Variants in PVT1 observed in about 807,000 individuals in gnomAD.
The protein encoded by PVT1 is Pvt1 oncogene, also known as CXCR4/PVT1 fusion.
At chr8:127,845,353 A>G (rs968807969) in intron 2 of PVT1, among the ~76,000 whole-genome samples, 6 of 152,154 alleles carry the variant, frequency 3.9e-5, no homozygotes, top group African/African-American at 1.4e-4. Flanking sequence ...TCAAGTCCCT[A>G]TAGAAGAGGG....
At chr8:127,962,283 G>A (rs1816653460) in intron 3 of PVT1, among the ~76,000 whole-genome samples, 1 of 152,188 alleles carries the variant, frequency 6.6e-6, no homozygotes, top group African/African-American at 2.4e-5. Context: ...AGAATTCTGA[G>A]CCCAGGGCTG....
intron 4 of PVT1, among the ~76,000 whole-genome samples, chr8:128,060,944 C>G (rs569744607): frequency 7.3e-6 from 1 of 137,166 alleles, no homozygotes; most frequent in South Asian, 2.3e-4. Context: ...GAGTCTCTCT[C>G]TGTCACCCAG....
intron 2 of PVT1, among the ~76,000 whole-genome samples, chr8:127,863,968 C>T (rs940463125): frequency 2.0e-5 from 3 of 152,196 alleles, no homozygotes; most frequent in Admixed American, 6.5e-5. Context: ...TTTGGCTCAG[C>T]GCGGATGGAG....
intron 3 of PVT1, among the ~76,000 whole-genome samples, chr8:127,905,405 C>T (rs75806080): frequency 6.6e-6 from 1 of 152,326 alleles, no homozygotes; most frequent in East Asian, 1.9e-4. Flanking sequence ...CGGGGAGCCT[C>T]ACATGAAGAA....
At chr8:127,970,359 G>A (rs1391276288) in intron 3 of PVT1, among the ~76,000 whole-genome samples, 11 of 135,228 alleles carry the variant, frequency 8.1e-5, no homozygotes, top group Admixed American at 2.5e-4. Context: ...GTGCAGTGGC[G>A]CAATCTCAGC....
At position 128,054,155 on chromosome 8, in the gene PVT1, T is replaced by C. The variant is rs931542087; in HGVS notation, n.913-16005T>C. Among the ~76,000 whole-genome samples the C allele has an allele frequency of 6.6e-5, 10 of 152,222 alleles. No individual in the cohort carries two copies. In the East Asian group the frequency reaches 1.9e-3, roughly 29 times the overall value. On this transcript the variant is annotated intron_variant and non_coding_transcript_variant, in intron 4 of 10. Transcript: ENST00000651587. ...GTGTGACAACAGGGTGAGAATCTCC[T>C]ATTGGTTCTCCCAACAAATAGGAAG...
At chr8:128,093,514 G>A (rs879680274) in intron 5 of PVT1, among the ~76,000 whole-genome samples, 5 of 152,006 alleles carry the variant, frequency 3.3e-5, no homozygotes, top group Non-Finnish European at 5.9e-5. Flanking sequence ...CTGAGATCGC[G>A]CCATTGCCCT....
At chr8:127,883,311 C>G (rs1379617451) in intron 2 of PVT1, among the ~76,000 whole-genome samples, 1 of 152,184 alleles carries the variant, frequency 6.6e-6, no homozygotes, top group East Asian at 1.9e-4. Context: ...ACCAAAGCAT[C>G]CATCTGCCCG....
At chr8:128,035,408 A>G (rs560300070) in intron 4 of PVT1, among the ~76,000 whole-genome samples, 1 of 152,250 alleles carries the variant, frequency 6.6e-6, no homozygotes, top group East Asian at 1.9e-4. Context: ...CTTGGACCTG[A>G]GCCCATCTGT....
At chr8:128,031,872 C>T (rs1269301312) in intron 4 of PVT1, among the ~76,000 whole-genome samples, 2 of 152,142 alleles carry the variant, frequency 1.3e-5, no homozygotes, top group African/African-American at 4.8e-5. Flanking sequence ...GAACCCGGGG[C>T]TCTGGTTGTG....
At chr8:127,997,864 C>T (rs977594963) in intron 4 of PVT1, among the ~76,000 whole-genome samples, 1 of 152,218 alleles carries the variant, frequency 6.6e-6, no homozygotes, top group Non-Finnish European at 1.5e-5. Flanking sequence ...TCTTAGATTG[C>T]CCTGGGCTGT....
At chr8:127,807,697 GA>G (rs1476324036) in intron 2 of PVT1, among the ~76,000 whole-genome samples, 4 of 151,736 alleles carry the variant, frequency 2.6e-5, no homozygotes, top group East Asian at 1.9e-4. Flanking sequence ...ATGTAGAAAA[GA>G]AAAAAAGTTT....
At chr8:127,814,843 C>G (rs1036040417) in intron 2 of PVT1, among the ~76,000 whole-genome samples, 35 of 152,204 alleles carry the variant, frequency 2.3e-4, no homozygotes, top group East Asian at 7.7e-4. Context: ...CTCCTCTCCC[C>G]CTCCCCTCAT....
chr8:128,067,598 T>G (rs897530843), intron 4 of PVT1, among the ~76,000 whole-genome samples: 88 of 152,318 alleles, frequency 5.8e-4, no homozygotes, highest in African/African-American at 2.0e-3. Context: ...GGAGGCTTCC[T>G]GGGGGAAAGG....
intron 2 of PVT1, chr8:127,854,776 C>T (rs1815144258): frequency 6.1e-6 from 1 of 163,366 alleles, no homozygotes; most frequent in Admixed American, 6.4e-5. Context: ...GCATACACAT[C>T]TCCTGCGTCT....
chr8:128,060,970 C>T (rs1280279927), intron 4 of PVT1, among the ~76,000 whole-genome samples: 2 of 139,866 alleles, frequency 1.4e-5, no homozygotes, highest in Admixed American at 7.9e-5. Flanking sequence ...AGTGCAGTGG[C>T]GTGATCTCGG....
intron 4 of PVT1, among the ~76,000 whole-genome samples, chr8:128,044,439 A>G (rs192107634): frequency 3.3e-5 from 5 of 152,272 alleles, no homozygotes; most frequent in Admixed American, 3.3e-4. Context: ...TCTATTTTGG[A>G]GATGACCTCC....
chr8:128,041,418 T>C (rs541897260), intron 4 of PVT1, among the ~76,000 whole-genome samples: 80 of 150,142 alleles, frequency 5.3e-4, no homozygotes, highest in African/African-American at 1.9e-3. Context: ...TGTGTGTTTG[T>C]GCTCGTGTGT....
At chr8:127,817,489 G>GTATATATATATATATATATATATATATA (rs1490929524) in intron 2 of PVT1, among the ~76,000 whole-genome samples, 12 of 124,004 alleles carry the variant, frequency 9.7e-5, no homozygotes, top group African/African-American at 4.1e-4. Flanking sequence ...GTGTGTGTGT[G>GTATATATATATATATATATATATATATA]TGTATATACA....
Sources: allele counts gnomAD v4.1 joint callset (sites outside exome capture counted in the v4.1 genomes callset), GRCh38; gene constraint gnomAD v4.1.1; transcripts MANE v1.5; gene names NCBI Gene and HGNC (gene_info 2026-07-23, HGNC 2026-07-21).